The following RASSF3 variants were observed in gnomAD, a reference collection of about 807,000 sequenced individuals.
RASSF3 encodes Ras association domain family member 3, also known as ras association domain-containing protein 3.
A neutral mutation model predicts 19.9 loss-of-function variants in RASSF3; 19 were observed. That is an observed-to-expected ratio of 0.96 (90% CI 0.67 to 1.40). The LOEUF (loss-of-function observed/expected upper bound fraction) is 1.40, where lower values mean the gene tolerates loss of function less well. Ranked by LOEUF, RASSF3 falls within the 40% of genes most tolerant of loss-of-function variation. The probability of loss-of-function intolerance (pLI) is 0.00; values close to 1 mark genes in which losing one functional copy is unlikely to be tolerated. For synonymous variants in RASSF3, 110 were observed against 104.2 expected, an observed-to-expected ratio of 1.06 and a Z score of -0.34; for missense variants, 306 against 289.8, an observed-to-expected ratio of 1.06 and a Z score of -0.41.
intron 2 of RASSF3, among the ~76,000 whole-genome samples, chr12:64,585,195 T>C (rs1869774214): frequency 6.6e-6 from 1 of 152,080 alleles, no homozygotes; most frequent in Non-Finnish European, 1.5e-5. Flanking sequence ...GAATATTTTC[T>C]TAAATGTGAA....
At chr12:64,512,290 A>C (rs985286190) in intron 1 of RASSF3, among the ~76,000 whole-genome samples, 2 of 152,200 alleles carry the variant, frequency 1.3e-5, no homozygotes, top group African/African-American at 2.4e-5. Context: ...ATGACATCAC[A>C]AAATCTGTTC....
intron 1 of RASSF3, among the ~76,000 whole-genome samples, chr12:64,516,938 G>A (rs929776261): frequency 6.9e-6 from 1 of 144,430 alleles, no homozygotes; most frequent in South Asian, 2.2e-4. Flanking sequence ...GGCAGAGGTT[G>A]CAGTGAGTCT....
At chr12:64,608,837 T>C (rs1299916321), upstream of RASSF3, among the ~76,000 whole-genome samples, 1 of 152,234 alleles carries the variant, frequency 6.6e-6, no homozygotes, top group East Asian at 1.9e-4. Flanking sequence ...CATTAGATTA[T>C]GTGCATGGCA....
At chr12:64,523,115 T>C (rs900620425) in intron 1 of RASSF3, among the ~76,000 whole-genome samples, 1 of 152,092 alleles carries the variant, frequency 6.6e-6, no homozygotes, top group African/African-American at 2.4e-5. Context: ...CTCAAAAAAA[T>C]AAGCTTCTGG....
At chr12:64,644,400 T>C (rs1047824920) in intron 1 of RASSF3, among the ~76,000 whole-genome samples, 7 of 152,058 alleles carry the variant, frequency 4.6e-5, no homozygotes, top group Non-Finnish European at 8.8e-5. Flanking sequence ...TGTTTACATA[T>C]CAATATGTTT....
At chr12:64,514,043 C>G (rs564370339) in intron 1 of RASSF3, among the ~76,000 whole-genome samples, 1 of 150,466 alleles carries the variant, frequency 6.6e-6, no homozygotes, top group East Asian at 2.0e-4. Flanking sequence ...CCACACCCAG[C>G]TACTTTTTGC....
intron 2 of RASSF3, among the ~76,000 whole-genome samples, chr12:64,591,554 C>T (rs994147210): frequency 6.6e-5 from 10 of 152,110 alleles, no homozygotes; most frequent in African/African-American, 2.2e-4. Flanking sequence ...GATTTTGCCA[C>T]ACTTGTTTTG....
intron 1 of RASSF3, among the ~76,000 whole-genome samples, chr12:64,662,932 C>G (rs1371122381): frequency 6.6e-6 from 1 of 152,058 alleles, no homozygotes; most frequent in Non-Finnish European, 1.5e-5. Context: ...GGGGAGATGT[C>G]TTTGGATATA....
intron 2 of RASSF3, among the ~76,000 whole-genome samples, chr12:64,579,867 T>C (rs1275140123): frequency 2.7e-5 from 4 of 149,676 alleles, no homozygotes; most frequent in African/African-American, 4.9e-5. Context: ...TGGAGTGGAA[T>C]GCAGTGGCGC....
intron 2 of RASSF3, among the ~76,000 whole-genome samples, chr12:64,601,585 G>T (rs1313413311): frequency 6.6e-6 from 1 of 152,118 alleles, no homozygotes; most frequent in African/African-American, 2.4e-5. Context: ...ACTATGGGAG[G>T]CTGAGGTGGG....
At chr12:64,556,096 T>G (rs1869252493) in intron 2 of RASSF3, among the ~76,000 whole-genome samples, 1 of 151,820 alleles carries the variant, frequency 6.6e-6, no homozygotes, top group East Asian at 1.9e-4. Context: ...CTGACACCTG[T>G]GAAGAGAGAG....
intron 1 of RASSF3, among the ~76,000 whole-genome samples, chr12:64,524,029 A>G (rs886960197): frequency 2.1e-5 from 3 of 144,110 alleles, no homozygotes; most frequent in African/African-American, 7.6e-5. Flanking sequence ...GACTGCCATC[A>G]CCACTTGCTA....
intron 1 of RASSF3, among the ~76,000 whole-genome samples, chr12:64,520,855 G>A (rs1487537421): frequency 2.0e-5 from 3 of 152,030 alleles, no homozygotes; most frequent in Non-Finnish European, 4.4e-5. Flanking sequence ...AAACATCTAG[G>A]ACCCCAAAGG....
intron 1 of RASSF3, among the ~76,000 whole-genome samples, chr12:64,515,093 T>G (rs1389160728): frequency 1.3e-5 from 2 of 152,024 alleles, no homozygotes; most frequent in Admixed American, 6.6e-5. Flanking sequence ...GTCTTTCTGT[T>G]TCACCCAGGA....
chr12:64,579,608 T>C (rs1245033), intron 2 of RASSF3, among the ~76,000 whole-genome samples: 138,350 of 152,036 alleles, frequency 0.91, 63,274 homozygotes, highest in African/African-American at 0.97. Flanking sequence ...GCCTTGGCCT[T>C]CCAAAGTGCT....
rs373966941 is a variant in RASSF3 at position 64,592,314 on chromosome 12, TGA to T, written c.294+50615_294+50616del. Among the ~76,000 whole-genome samples the T allele has an allele frequency of 2.2e-3, 331 of 152,376 alleles. 3 individuals are homozygous for T. Among genetic ancestry groups the T allele is most frequent in the African/African-American group, 7.5e-3 (314 of 41,596 alleles). On this transcript the variant is annotated intron_variant, in intron 2 of 5. Transcript: ENST00000637125. ...TGGAGGTTATTCCATATCAGTGTAC[TGA>T]GAGAGTCCTGATTTCTTTTTAATAG...
At chr12:64,519,816 A>G (rs905387909) in intron 1 of RASSF3, among the ~76,000 whole-genome samples, 18 of 152,054 alleles carry the variant, frequency 1.2e-4, no homozygotes, top group Non-Finnish European at 2.1e-4. Flanking sequence ...AAGCGCATAT[A>G]TGTGTGTGCG....
chr12:64,696,089 C>CCCTA lies in RASSF3; in HGVS notation c.*1180_*1181insACCT. 1 of 73,034 alleles carries CCCTA rather than the reference C, an allele frequency of 1.4e-5. No homozygotes were observed. 4.5% of individuals were successfully genotyped at this position (73,034 alleles called of 1,614,324 possible). A position where few individuals can be genotyped will look rare whatever the true frequency, so the allele number is the denominator to read the frequency against. On this transcript the variant is annotated 3_prime_UTR_variant, in exon 5 of 5. Coordinates refer to ENST00000542104, the MANE Select transcript of RASSF3 (RefSeq NM_178169.4). ...TCCCACCCTACCTTGTTCTTTTCCTCCCTCCCTCCCTCCCTCCCTCCCTCC... is the reference window on the plus strand; with the variant it reads ...TCCCACCCTACCTTGTTCTTTTCCTCCCTACCTCCCTCCCTCCCTCCCTCCCTCC...
chr12:64,658,804 C>T (rs1359432907), intron 1 of RASSF3, among the ~76,000 whole-genome samples: 2 of 152,122 alleles, frequency 1.3e-5, no homozygotes, highest in African/African-American at 4.8e-5. Context: ...CATGATGGCT[C>T]ACGCCTGTAA....
Sources: gnomAD v4.1 joint callset for allele counts (sites outside exome capture counted in the v4.1 genomes callset) on GRCh38, gnomAD v4.1.1 for gene constraint, MANE v1.5 for transcripts, NCBI Gene and HGNC (gene_info 2026-07-23, HGNC 2026-07-21) for gene names.